GABRA3: variants seen among roughly 807,000 people sequenced by gnomAD.
GABRA3 encodes the protein gamma-aminobutyric acid receptor subunit alpha-3.
A neutral mutation model predicts 30.1 loss-of-function variants in GABRA3; 10 were observed. The ratio of observed to expected loss-of-function variants is 0.33; its 90% CI spans 0.20 to 0.56. The LOEUF (loss-of-function observed/expected upper bound fraction) is 0.56. Ranked by LOEUF, GABRA3 falls within the 20% of genes least tolerant of loss-of-function variation. GABRA3 has a pLI of 0.89. For synonymous variants in GABRA3, 151 were observed against 146.8 expected (o/e 1.03, Z -0.21); for missense variants, 233 against 392.0 (o/e 0.59, Z 3.42).
intron 5 of GABRA3, among the ~76,000 whole-genome samples, chrX:152,242,320 CAG>C (rs890792663): frequency 2.7e-5 from 3 of 110,932 alleles, no homozygotes; most frequent in African/African-American, 6.6e-5. Flanking sequence ...TAGAAGAAAA[CAG>C]AGAGAGAAAG....
intron 1 of GABRA3, among the ~76,000 whole-genome samples, chrX:152,415,780 A>C (rs1930197227): frequency 9.0e-6 from 1 of 111,481 alleles, no homozygotes; most frequent in Non-Finnish European, 1.9e-5. Flanking sequence ...GCGACTTCCC[A>C]TGAGTTTATT....
chrX:152,403,569 C>CGTGT (rs35576596), intron 1 of GABRA3, among the ~76,000 whole-genome samples: 7,601 of 100,684 alleles, frequency 0.075, 322 homozygotes, highest in South Asian at 0.15. Context: ...TATGTGCACA[C>CGTGT]GTGTGTGTGT....
At chrX:152,435,641 T>C (rs914970671) in intron 1 of GABRA3, among the ~76,000 whole-genome samples, 4 of 110,832 alleles carry the variant, frequency 3.6e-5, no homozygotes, top group Non-Finnish European at 5.7e-5. Flanking sequence ...AAATACCTAA[T>C]GCAGATGACA....
At chrX:152,230,830 T>A (rs1441206455) in intron 5 of GABRA3, among the ~76,000 whole-genome samples, 1 of 110,342 alleles carries the variant, frequency 9.1e-6, no homozygotes, top group Non-Finnish European at 1.9e-5. Context: ...AAATCGAAAT[T>A]TAAGAGCTAA....
At chrX:152,360,056 C>T (rs1928436576) in intron 2 of GABRA3, among the ~76,000 whole-genome samples, 1 of 96,023 alleles carries the variant, frequency 1.0e-5, no homozygotes, top group Admixed American at 1.2e-4. Flanking sequence ...TTTCTTAATC[C>T]AGTCTATCAT....
At chrX:152,216,418 AC>A (rs1569358452) in intron 6 of GABRA3, among the ~76,000 whole-genome samples, 2 of 100,325 alleles carry the variant, frequency 2.0e-5, no homozygotes, top group Admixed American at 1.1e-4. Context: ...ACACACACAC[AC>A]ACACACACAC....
chrX:152,436,150 A>T (rs1930772378), intron 1 of GABRA3, among the ~76,000 whole-genome samples: 1 of 111,856 alleles, frequency 8.9e-6, no homozygotes, highest in African/African-American at 3.2e-5. Flanking sequence ...GCATTTTTGG[A>T]GGAGAAAGGG....
intron 3 of GABRA3, among the ~76,000 whole-genome samples, chrX:152,299,789 A>C (rs1939597763): frequency 8.9e-6 from 1 of 112,259 alleles, no homozygotes; most frequent in African/African-American, 3.2e-5. Context: ...ATTTTTGAAG[A>C]GAGTTAAAAC....
At chrX:152,275,138 T>C (rs1322054719) in intron 4 of GABRA3, among the ~76,000 whole-genome samples, 1 of 77,986 alleles carries the variant, frequency 1.3e-5, no homozygotes, top group East Asian at 3.8e-4. Flanking sequence ...ATATATATAA[T>C]ATAATATATA....
At chrX:152,182,660 AGT>A (rs1569348545) in intron 9 of GABRA3, among the ~76,000 whole-genome samples, 28 of 83,302 alleles carry the variant, frequency 3.4e-4, no homozygotes, top group Non-Finnish European at 5.9e-4. Context: ...ATACATATAT[AGT>A]GTATATATAC....
chrX:152,257,241 A>G (rs894635983), intron 4 of GABRA3, among the ~76,000 whole-genome samples: 2 of 112,138 alleles, frequency 1.8e-5, no homozygotes, highest in African/African-American at 6.5e-5. Flanking sequence ...TTATCAGAGA[A>G]TAAGCTCTGG....
intron 7 of GABRA3, among the ~76,000 whole-genome samples, chrX:152,201,107 T>G (rs1357963679): frequency 8.9e-6 from 1 of 112,656 alleles, no homozygotes; most frequent in Non-Finnish European, 1.9e-5. Flanking sequence ...TGGGTGGAAC[T>G]TACAAGTGGA....
intron 4 of GABRA3, among the ~76,000 whole-genome samples, chrX:152,276,738 G>A (rs958490450): frequency 1.8e-5 from 2 of 110,901 alleles, no homozygotes; most frequent in African/African-American, 6.5e-5. Flanking sequence ...TTTAATACGT[G>A]GTAAAAAATA....
At chrX:152,195,224 G>A (rs751392416) in intron 8 of GABRA3, among the ~76,000 whole-genome samples, 4 of 111,935 alleles carry the variant, frequency 3.6e-5, no homozygotes, top group Non-Finnish European at 7.5e-5. Context: ...GGCCAAGTTT[G>A]AATTAGCAAA....
intron 4 of GABRA3, among the ~76,000 whole-genome samples, chrX:152,268,432 T>C (rs774605642): frequency 8.9e-6 from 1 of 112,460 alleles, no homozygotes; most frequent in Non-Finnish European, 1.9e-5. Context: ...CCATGTAAGA[T>C]GTCCCTTTGC....
chrX:152,417,468 G>T (rs1034095375), intron 1 of GABRA3, among the ~76,000 whole-genome samples: 10 of 108,813 alleles, frequency 9.2e-5, no homozygotes, highest in Admixed American at 3.9e-4. Flanking sequence ...TCAGTGTGGC[G>T]ATTCCTCAGG....
chrX:152,201,425 A>G (rs1937482804), intron 7 of GABRA3, among the ~76,000 whole-genome samples: 1 of 112,226 alleles, frequency 8.9e-6, no homozygotes, highest in Non-Finnish European at 1.9e-5. Context: ...TCAGAAACGC[A>G]GAACAGTTTA....
intron 3 of GABRA3, among the ~76,000 whole-genome samples, chrX:152,326,799 C>T (rs752604340): frequency 9.0e-5 from 10 of 111,032 alleles, no homozygotes; most frequent in African/African-American, 2.0e-4. Flanking sequence ...CATCAACTAA[C>T]GGGGAAAATA....
chrX:152,320,433 A>G (rs1844975), intron 3 of GABRA3, among the ~76,000 whole-genome samples: 24,533 of 111,086 alleles, frequency 0.22, 2,555 homozygotes, highest in African/African-American at 0.42. Flanking sequence ...CAACCTGGAT[A>G]GACCTGGAGA....
Sources: allele counts gnomAD v4.1 joint callset (sites outside exome capture counted in the v4.1 genomes callset), GRCh38; gene constraint gnomAD v4.1.1; transcripts MANE v1.5; gene names NCBI Gene and HGNC (gene_info 2026-07-23, HGNC 2026-07-21).